The following TMC1 variants were observed in gnomAD, a reference collection of about 807,000 sequenced individuals.
TMC1 encodes the protein transmembrane channel-like protein 1.
A neutral mutation model predicts 105.8 loss-of-function variants in TMC1; 84 were observed. The observed-to-expected ratio is 0.79, with a 90% CI of 0.67 to 0.95. TMC1 has a LOEUF of 0.95. Ranked by LOEUF, TMC1 falls within the 40% of genes least tolerant of loss-of-function variation. TMC1 has a pLI of 0.00. For missense variants in TMC1, 817 were observed against 914.1 expected, an observed-to-expected ratio of 0.89 and a Z score of 1.37; for synonymous variants, 315 against 311.5, an observed-to-expected ratio of 1.01 and a Z score of -0.12.
intron 5 of TMC1, among the ~76,000 whole-genome samples, chr9:72,656,800 A>G (rs1453942021): frequency 6.6e-6 from 1 of 151,986 alleles, no homozygotes; most frequent in Admixed American, 6.6e-5. Context: ...CCCCTCCGGG[A>G]TGCAGATAAG....
rs375479903 is a variant in TMC1 at position 72,731,236 on chromosome 9, A to G, written c.363-8883A>G. Among the ~76,000 whole-genome samples the G allele has an allele frequency of 1.6e-3, 247 of 152,348 alleles. 2 individuals carry two copies. The highest frequency in any genetic ancestry group is 3.0e-3 in the Non-Finnish European group (202 of 68,034). Reference sequence around the variant, plus strand: ...ATATTAAGTACTGGGAAATTAGTACAAAAAATATAGACCTTGGAGATTCCA... The same window carrying G: ...ATATTAAGTACTGGGAAATTAGTACGAAAAATATAGACCTTGGAGATTCCA... On this transcript the variant is annotated intron_variant, in intron 8 of 23. Coordinates refer to ENST00000297784, the MANE Select transcript of TMC1 (RefSeq NM_138691.3).
intron 1 of TMC1, among the ~76,000 whole-genome samples, chr9:72,541,463 C>T (rs1014789605): frequency 1.5e-4 from 23 of 152,010 alleles, no homozygotes; most frequent in African/African-American, 3.4e-4. Flanking sequence ...TGAGGCGGGC[C>T]GATCACCTGA....
intron 4 of TMC1, among the ~76,000 whole-genome samples, chr9:72,640,695 C>T (rs550557848): frequency 3.7e-4 from 56 of 151,574 alleles, no homozygotes; most frequent in African/African-American, 1.3e-3. Context: ...TGCAGTGGCG[C>T]GACCTCGGCT....
At chr9:72,827,812 A>C (rs918591012) in intron 21 of TMC1, among the ~76,000 whole-genome samples, 1 of 152,196 alleles carries the variant, frequency 6.6e-6, no homozygotes, top group African/African-American at 2.4e-5. Context: ...AGCCCCAGGG[A>C]CACTTTAAGA....
Position 72,597,913 on chromosome 9 carries a change from C to T in TMC1, c.-305-18455C>T, listed in dbSNP as rs144002762. ...ACCTCACATCTCCTATGCCAGTTCC[C>T]TTCTCTGTGCTCCATGCTGAACCAA... is the stretch of plus-strand genomic sequence containing the variant. On this transcript the variant is annotated intron_variant, in intron 2 of 23. Coordinates refer to ENST00000297784, the MANE Select transcript of TMC1 (RefSeq NM_138691.3). Among the ~76,000 whole-genome samples the T allele has an allele frequency of 3.4e-3, 520 of 152,252 alleles. 6 individuals carry two copies. The highest frequency in any genetic ancestry group is 0.012 in the African/African-American group (499 of 41,548).
intron 8 of TMC1, among the ~76,000 whole-genome samples, chr9:72,703,376 C>T (rs190713293): frequency 2.8e-3 from 434 of 152,300 alleles, no homozygotes; most frequent in African/African-American, 9.7e-3. Flanking sequence ...ATCTTCCTAC[C>T]TCAGCCTCCC....
intron 19 of TMC1, among the ~76,000 whole-genome samples, chr9:72,818,234 C>T (rs541786095): frequency 5.3e-5 from 8 of 152,106 alleles, no homozygotes; most frequent in Admixed American, 2.6e-4. Flanking sequence ...ATTCCATTGG[C>T]TTGTGACTGG....
chr9:72,722,952 C>G (rs980422071), intron 8 of TMC1, among the ~76,000 whole-genome samples: 6 of 152,120 alleles, frequency 3.9e-5, no homozygotes, highest in Non-Finnish European at 8.8e-5. Flanking sequence ...TTCGGTATCT[C>G]TTTGAGGGAT....
intron 8 of TMC1, among the ~76,000 whole-genome samples, chr9:72,737,401 A>G (rs1827318007): frequency 1.3e-5 from 2 of 152,190 alleles, no homozygotes; most frequent in African/African-American, 4.8e-5. Flanking sequence ...CATCTTAGCA[A>G]GCAGGGGTGC....
intron 2 of TMC1, among the ~76,000 whole-genome samples, chr9:72,591,476 CG>C (rs1347730823): frequency 2.6e-5 from 4 of 152,078 alleles, no homozygotes; most frequent in African/African-American, 9.7e-5. Flanking sequence ...TGCAGTAGCC[CG>C]GGTAAGAAGT....
intron 10 of TMC1, among the ~76,000 whole-genome samples, chr9:72,749,449 C>T (rs1395839715): frequency 6.6e-6 from 1 of 152,040 alleles, no homozygotes; most frequent in Non-Finnish European, 1.5e-5. Context: ...GCTGAGCAGC[C>T]CTCAGGTAGT....
chr9:72,627,307 C>T (rs1252652531), intron 3 of TMC1, among the ~76,000 whole-genome samples: 1 of 152,138 alleles, frequency 6.6e-6, no homozygotes, highest in Non-Finnish European at 1.5e-5. Flanking sequence ...GTCAGGGGTC[C>T]TGATCTAGTT....
intron 8 of TMC1, among the ~76,000 whole-genome samples, chr9:72,730,248 AG>A (rs1827188368): frequency 6.6e-6 from 1 of 152,016 alleles, no homozygotes; most frequent in Non-Finnish European, 1.5e-5. Flanking sequence ...TTTGGGGAAA[AG>A]GGGGTTTTAG....
At position 72,725,171 on chromosome 9, in the gene TMC1, C is replaced by G. The variant is rs570216711; in HGVS notation, c.363-14948C>G. Reference sequence around the variant, plus strand: ...TGAGCAAGCAATGGCAAGTGAGATACTAGTTTGGGGGCTTAAATAAGATAA... The same window carrying G: ...TGAGCAAGCAATGGCAAGTGAGATAGTAGTTTGGGGGCTTAAATAAGATAA... On this transcript the variant is annotated intron_variant, in intron 8 of 23. Coordinates refer to ENST00000297784, the MANE Select transcript of TMC1 (RefSeq NM_138691.3). 8.4e-4 allele frequency among the ~76,000 whole-genome samples: 127 copies of G among 151,428 alleles called. No individual in the cohort carries two copies. In the Middle Eastern group the frequency reaches 0.01, roughly 12 times the overall value.
chr9:72,584,675 G>A (rs1824525123), intron 2 of TMC1, among the ~76,000 whole-genome samples: 1 of 151,942 alleles, frequency 6.6e-6, no homozygotes, highest in Admixed American at 6.6e-5. Context: ...TTTATTTAGA[G>A]GTGAGGCGAG....
At chr9:72,607,002 T>TATATATAGAGAGAG (rs372785242) in intron 2 of TMC1, among the ~76,000 whole-genome samples, 118 of 134,970 alleles carry the variant, frequency 8.7e-4, no homozygotes, top group African/African-American at 2.7e-3. Context: ...TATATATATA[T>TATATATAGAGAGAG]AGAGAGAGAG....
intron 4 of TMC1, among the ~76,000 whole-genome samples, chr9:72,640,664 G>A (rs530564746): frequency 6.5e-4 from 98 of 150,550 alleles, no homozygotes; most frequent in African/African-American, 2.2e-3. Flanking sequence ...ACGGAGTGCC[G>A]CTCTGTCGCC....
intron 1 of TMC1, among the ~76,000 whole-genome samples, chr9:72,545,342 T>G (rs2132067507): frequency 6.6e-6 from 1 of 151,710 alleles, no homozygotes; most frequent in South Asian, 2.1e-4. Flanking sequence ...AAAAAAAACC[T>G]TTTACATATA....
chr9:72,571,845 T>A (rs1363724837), intron 1 of TMC1, among the ~76,000 whole-genome samples: 1 of 144,742 alleles, frequency 6.9e-6, no homozygotes, highest in Non-Finnish European at 1.5e-5. Context: ...GATTGCTTAC[T>A]TTTTTTTTTT....
Sources: gnomAD v4.1 joint callset for allele counts (sites outside exome capture counted in the v4.1 genomes callset) on GRCh38, gnomAD v4.1.1 for gene constraint, MANE v1.5 for transcripts, NCBI Gene and HGNC (gene_info 2026-07-23, HGNC 2026-07-21) for gene names.